Variants in AP2M1 observed in about 807,000 individuals in gnomAD.
AP2M1 encodes the protein AP-2 complex subunit mu.
A neutral mutation model predicts 54.5 loss-of-function variants in AP2M1; 5 were observed. The ratio of observed to expected loss-of-function variants is 0.09; its 90% confidence interval spans 0.05 to 0.19. The LOEUF (loss-of-function observed/expected upper bound fraction) is 0.19, where lower values mean the gene tolerates loss of function less well. Ranked by LOEUF, AP2M1 falls within the 10% of genes least tolerant of loss-of-function variation. The pLI is 1.00. For synonymous variants in AP2M1, 186 were observed against 208.2 expected (o/e 0.89, Z 0.92); for missense variants, 178 against 580.2 (o/e 0.31, Z 7.12).
In AP2M1 at chr3:184,176,726, G is replaced by A. The variant is rs1715085664; in HGVS notation, c.-43-225G>A. 1.3e-5 allele frequency: 6 copies of A among 476,902 alleles called. No individual in the cohort carries two copies. In the Admixed American group the frequency reaches 1.6e-4, roughly 13 times the overall value. The allele number at this position is 476,902 out of a possible 1,614,324, so 29.5% of individuals were successfully genotyped here. A position where few individuals can be genotyped will look rare whatever the true frequency, so the allele number is the denominator to read the frequency against. ...CCCCAGGAAAGGGAGGGTCAAAATG[G>A]CCTTAGAATCCTGGGCCTAATCTCT... On this transcript the variant is annotated intron_variant, in intron 1 of 11. Coordinates refer to ENST00000292807, the MANE Select transcript of AP2M1 (RefSeq NM_004068.4).
intron 3 of AP2M1, among the ~76,000 whole-genome samples, chr3:184,179,745 C>T (rs1715210310): frequency 1.3e-5 from 2 of 151,124 alleles, no homozygotes; most frequent in East Asian, 1.9e-4. Context: ...ACTGAAGCCT[C>T]GACCTCCTAG....
Position 184,181,414 on chromosome 3 carries a change from A to G in AP2M1, c.707+188A>G, listed in dbSNP as rs1040555923. 3.4e-5 allele frequency: 33 copies of G among 972,264 alleles called. No homozygotes were observed. Among genetic ancestry groups the G allele is most frequent in the East Asian group, 1.8e-4 (7 of 37,996 alleles). The allele number at this position is 972,264 out of a possible 1,614,324, so 60.2% of individuals were successfully genotyped here. On this transcript the variant is annotated intron_variant, in intron 7 of 11. Coordinates refer to ENST00000292807, the MANE Select transcript of AP2M1 (RefSeq NM_004068.4). The surrounding 1 kb of genome is among the most constrained non-coding windows in gnomAD (Gnocchi z 5.7). ...ATGAGGGGATCGTCCTCAGAGAGCA[A>G]GCCCCTTTGTTTGGTCCCTAGGACC... is the stretch of plus-strand genomic sequence containing the variant.
Position 184,183,168 on chromosome 3 carries a change from T to C in AP2M1, c.1173+300T>C. On this transcript the variant is annotated intron_variant, in intron 11 of 11. Coordinates refer to ENST00000292807, the MANE Select transcript of AP2M1 (RefSeq NM_004068.4). The surrounding 1 kb of genome is among the most constrained non-coding windows in gnomAD (Gnocchi z 5.7). ...TTACAGACAGGATAATGGGCTGACTTTGCTTTGCGCATGTTAGACATAATT... is the reference window on the plus strand; with the variant it reads ...TTACAGACAGGATAATGGGCTGACTCTGCTTTGCGCATGTTAGACATAATT... 3.6e-6 allele frequency: 2 copies of C among 554,384 alleles called. No individual in the cohort carries two copies. The highest frequency in any genetic ancestry group is 6.5e-6 in the Non-Finnish European group (2 of 309,692). 34.3% of individuals were successfully genotyped at this position (554,384 alleles called of 1,614,324 possible).
At position 184,182,712 on chromosome 3, in the gene AP2M1, C is replaced by T; in HGVS notation, c.1062-45C>T. The T allele has an allele frequency of 6.4e-7, 1 of 1,566,410 alleles. No individual in the cohort carries two copies. The highest frequency in any genetic ancestry group is 2.3e-5 in the East Asian group (1 of 44,328). The stretch of plus-strand genomic sequence containing the variant: ...TTGAAATGGGCAACTGCCCTTGAAA[C>T]TCCTCCAAGCCCCAATGGGCTGCCC... On this transcript the variant is annotated intron_variant, in intron 10 of 11. Coordinates refer to ENST00000292807, the MANE Select transcript of AP2M1 (RefSeq NM_004068.4). The surrounding 1 kb of genome is among the most constrained non-coding windows in gnomAD (Gnocchi z 5.5).
chr3:184,182,123 A>G lies in AP2M1; in HGVS notation c.964-28A>G, dbSNP rs1188381929. 1.9e-6 allele frequency: 3 copies of G among 1,612,842 alleles called. No individual in the cohort carries two copies. The highest frequency in any genetic ancestry group is 1.7e-6 in the Non-Finnish European group (2 of 1,179,198). ...GGTAGCTGATGTCACAGCTTGACAG[A>G]GCTCCCTGACAGGTGTGTCACTTCT... On this transcript the variant is annotated intron_variant, in intron 9 of 11. Coordinates refer to ENST00000292807, the MANE Select transcript of AP2M1 (RefSeq NM_004068.4). This position sits in a 1 kb window ranked among gnomAD's most constrained non-coding sequence, Gnocchi z 5.5.
intron 1 of AP2M1, among the ~76,000 whole-genome samples, chr3:184,175,441 A>G (rs999806752): frequency 2.6e-5 from 4 of 151,730 alleles, no homozygotes; most frequent in African/African-American, 7.3e-5. Flanking sequence ...CCCCCATGGC[A>G]CCATCTTTTC....
Position 184,183,088 on chromosome 3 carries a change from C to T in AP2M1, c.1173+220C>T. 3.4e-6 allele frequency: 2 copies of T among 595,300 alleles called. No individual in the cohort carries two copies. The highest frequency in any genetic ancestry group is 3.9e-5 in the South Asian group (2 of 51,342). The allele number at this position is 595,300 out of a possible 1,614,324, so 36.9% of individuals were successfully genotyped here. A position where few individuals can be genotyped will look rare whatever the true frequency, so the allele number is the denominator to read the frequency against. ...TTACTTCTCTCGGCTTGTCCTAACA[C>T]AGTTCTTTCAAAAAACTTAGATTGT... is the stretch of plus-strand genomic sequence containing the variant. On this transcript the variant is annotated intron_variant, in intron 11 of 11. Transcript: ENST00000292807. The surrounding 1 kb of genome is among the most constrained non-coding windows in gnomAD (Gnocchi z 5.7).
In AP2M1 at chr3:184,178,116, G is replaced by A. The variant is rs573546297; in HGVS notation, c.75-741G>A. The A allele has an allele frequency of 1.8e-5, 25 of 1,381,768 alleles. No individual in the cohort carries two copies. The East Asian group carries it at 2.8e-4, about 15-fold the overall frequency. The allele number at this position is 1,381,768 out of a possible 1,614,324, so 85.6% of individuals were successfully genotyped here. ...CTGCTTCTGCCTCACGGTGTGTGCC[G>A]CCCTCCCGGTGTGTTGTGTGTCTAA... On this transcript the variant is annotated intron_variant, in intron 2 of 11. Coordinates refer to ENST00000292807, the MANE Select transcript of AP2M1 (RefSeq NM_004068.4). The surrounding 1 kb of genome is among the most constrained non-coding windows in gnomAD (Gnocchi z 4.9).
At chr3:184,175,267 C>T (rs903644247) in intron 1 of AP2M1, among the ~76,000 whole-genome samples, 2 of 152,098 alleles carry the variant, frequency 1.3e-5, no homozygotes, top group African/African-American at 4.8e-5. Context: ...GTGCCAACCC[C>T]CTACCCCTCC....
Position 184,181,542 on chromosome 3 carries a change from C to G in AP2M1, c.708-154C>G. The G allele has an allele frequency of 3.6e-6, 4 of 1,116,146 alleles. No individual in the cohort carries two copies. The South Asian group carries it at 6.1e-5, about 17-fold the overall frequency. The allele number at this position is 1,116,146 out of a possible 1,614,324, so 69.1% of individuals were successfully genotyped here. On this transcript the variant is annotated intron_variant, in intron 7 of 11. Transcript: ENST00000292807. This position sits in a 1 kb window ranked among gnomAD's most constrained non-coding sequence, Gnocchi z 5.7. The stretch of plus-strand genomic sequence containing the variant: ...AGAGATGAGCTTGCAAGGCTTCCCT[C>G]TCATCCCAAGCTCTGGGGCAGACCT...
In AP2M1 at chr3:184,178,360, GC is replaced by G; in HGVS notation, c.75-493del. ...CAAGAATGGGTAGCACAATTCCATG[GC>G]CCCTTGGTACTTCTCCCTCCTTTGT... On this transcript the variant is annotated intron_variant, in intron 2 of 11. Coordinates refer to ENST00000292807, the MANE Select transcript of AP2M1 (RefSeq NM_004068.4). This position sits in a 1 kb window ranked among gnomAD's most constrained non-coding sequence, Gnocchi z 4.9. 2 of 1,170,850 alleles carry G rather than the reference GC, an allele frequency of 1.7e-6. No homozygotes were observed. Among genetic ancestry groups the G allele is most frequent in the East Asian group, 5.1e-5 (2 of 39,282 alleles). The allele number at this position is 1,170,850 out of a possible 1,614,324, so 72.5% of individuals were successfully genotyped here. A position where few individuals can be genotyped will look rare whatever the true frequency, so the allele number is the denominator to read the frequency against.
chr3:184,175,283 A>G (rs1258138029), intron 1 of AP2M1, among the ~76,000 whole-genome samples: 3 of 152,184 alleles, frequency 2.0e-5, no homozygotes, highest in African/African-American at 7.2e-5. Context: ...CCTCCGCGCA[A>G]GGACAATTTC....
intron 1 of AP2M1, chr3:184,176,723 ATGGCC>A: frequency 2.1e-6 from 1 of 468,834 alleles, no homozygotes; most frequent in South Asian, 4.2e-5. Context: ...GAGGGTCAAA[ATGGCC>A]TTAGAATCCT....
At chr3:184,175,523 C>T (rs1231189625) in intron 1 of AP2M1, among the ~76,000 whole-genome samples, 1 of 152,208 alleles carries the variant, frequency 6.6e-6, no homozygotes, top group Non-Finnish European at 1.5e-5. Flanking sequence ...CAAGCAGGCT[C>T]TGTCTCCCCA....
chr3:184,183,406 G>T lies in AP2M1; in HGVS notation c.1174-76G>T, dbSNP rs953658200. ...ACACCTGTAGTAGCGATGAAGTAGG[G>T]CAGGGCAACGGGACTTCCCAGAGGA... On this transcript the variant is annotated intron_variant, in intron 11 of 11. Coordinates refer to ENST00000292807, the MANE Select transcript of AP2M1 (RefSeq NM_004068.4). The surrounding 1 kb of genome is among the most constrained non-coding windows in gnomAD (Gnocchi z 5.7). The T allele has an allele frequency of 3.0e-5, 47 of 1,592,420 alleles. No homozygotes were observed. Among genetic ancestry groups the T allele is most frequent in the Non-Finnish European group, 3.9e-5 (45 of 1,167,906 alleles).
chr3:184,178,725 T>C lies in AP2M1; in HGVS notation c.75-132T>C, dbSNP rs1221895458. On this transcript the variant is annotated intron_variant, in intron 2 of 11. Coordinates refer to ENST00000292807, the MANE Select transcript of AP2M1 (RefSeq NM_004068.4). This position sits in a 1 kb window ranked among gnomAD's most constrained non-coding sequence, Gnocchi z 4.9. ...GGGAACCACTCCAGTGGTTTAGGCA[T>C]TGGCTTTCTTTGGAGTGTGTGTGTC... 1.2e-5 allele frequency: 14 copies of C among 1,184,836 alleles called. No homozygotes were observed. Among genetic ancestry groups the C allele is most frequent in the Non-Finnish European group, 1.7e-5 (14 of 848,048 alleles). 73.4% of individuals were successfully genotyped at this position (1,184,836 alleles called of 1,614,324 possible).
At chr3:184,176,763 T>C (rs1715086670) in intron 1 of AP2M1, 188 bp from the exon 2 acceptor site, 3 of 501,328 alleles carry the variant, frequency 6.0e-6, no homozygotes, top group African/African-American at 4.0e-5. Context: ...TCTGTTTCTT[T>C]CTCCCATCTA....
Position 184,179,665 on chromosome 3 carries a change from T to TTC in AP2M1, c.341-503_341-502insCT, listed in dbSNP as rs1553813527. 4.0e-5 allele frequency among the ~76,000 whole-genome samples: 6 copies of TTC among 149,774 alleles called. No individual in the cohort carries two copies. The South Asian group carries it at 1.1e-3, about 26-fold the overall frequency. ...GACTCTTCTATTGATTTCTTTTCTT[T>TTC]TTTTTTTTTTTTTGAGACAGGGTCT... On this transcript the variant is annotated intron_variant, in intron 3 of 11. Transcript: ENST00000292807.
In AP2M1 at chr3:184,183,678, C is replaced by T. The variant is rs543156298; in HGVS notation, c.*62C>T. On this transcript the variant is annotated 3_prime_UTR_variant, in exon 12 of 12. Coordinates refer to ENST00000292807, the MANE Select transcript of AP2M1 (RefSeq NM_004068.4). This position sits in a 1 kb window ranked among gnomAD's most constrained non-coding sequence, Gnocchi z 5.7. ...CTCCTCCACAGGTCCAGGTGCCGCT[C>T]CCTCCCCCACCACACATCAGTGTCT... 12 of 1,556,474 alleles carry T rather than the reference C, an allele frequency of 7.7e-6. No individual in the cohort carries two copies. Among genetic ancestry groups the T allele is most frequent in the South Asian group, 1.1e-5 (1 of 88,454 alleles).
Sources: allele counts gnomAD v4.1 joint callset (sites outside exome capture counted in the v4.1 genomes callset), GRCh38; gene constraint gnomAD v4.1.1; non-coding constraint Gnocchi (gnomAD v3.1); transcripts MANE v1.5; gene names NCBI Gene and HGNC (gene_info 2026-07-23, HGNC 2026-07-21).